Variants in NPIPA5 observed in about 807,000 individuals in gnomAD.
NPIPA5 encodes the protein nuclear pore complex-interacting protein family member A5.
In NPIPA5, 6 loss-of-function variants were observed where a neutral mutation model predicts 21.4. The observed-to-expected ratio is 0.28, with a 90% CI of 0.15 to 0.55. NPIPA5 has a LOEUF of 0.55. Ranked by LOEUF, NPIPA5 falls within the 20% of genes least tolerant of loss-of-function variation. NPIPA5 has a pLI of 0.93. For missense variants in NPIPA5, 99 were observed against 318.2 expected (o/e 0.31, Z 5.24); for synonymous variants, 33 against 115.3 (o/e 0.29, Z 4.57).
chr16:15,366,909 G>A, intron 4 of NPIPA5, 149 bp from the exon 5 acceptor site: 1 of 1,505,198 alleles, frequency 6.6e-7, no homozygotes, highest in South Asian at 1.3e-5. Flanking sequence ...AAGGGAGAAT[G>A]GACACCTCCC....
intron 2 of NPIPA5, among the ~76,000 whole-genome samples, chr16:15,370,724 A>C (rs372260260): frequency 4.3e-5 from 6 of 137,974 alleles, no homozygotes; most frequent in Admixed American, 2.4e-4. Flanking sequence ...GCACTCCAAC[A>C]TGGGCAACAA....
At chr16:15,376,863 A>G (rs1261828518) in intron 1 of NPIPA5, among the ~76,000 whole-genome samples, 17 of 151,872 alleles carry the variant, frequency 1.1e-4, no homozygotes, top group South Asian at 2.1e-4. Flanking sequence ...AATCTGAGCT[A>G]CTCAGGAGGC....
rs2050104872 is a variant in NPIPA5 at position 15,370,018 on chromosome 16, ACCTT to A, written c.290_292+1del. The stretch of plus-strand genomic sequence containing the variant: ...ACTATGGGGACTCCAACAGAGCCAT[ACCTT>A]CCTGTCTACGGCAGTTGGACCTCCT... On this transcript the variant is annotated splice_donor_variant and coding_sequence_variant, in exon 3 of 8. Coordinates refer to ENST00000360151, the MANE Select transcript of NPIPA5 (RefSeq NM_001277325.2). LOFTEE classifies it high-confidence loss of function. The A allele has an allele frequency of 7.2e-7, 1 of 1,384,492 alleles. No homozygotes were observed. Among genetic ancestry groups the A allele is most frequent in the African/African-American group, 1.6e-5 (1 of 62,586 alleles). 85.8% of individuals were successfully genotyped at this position (1,384,492 alleles called of 1,614,324 possible).
At chr16:15,366,840 T>A (rs2049988788) in intron 4 of NPIPA5, 80 bp from the exon 5 acceptor site, 2 of 1,520,840 alleles carry the variant, frequency 1.3e-6, no homozygotes. Flanking sequence ...CTGAAGGCTG[T>A]GATTCAAAGA....
At chr16:15,381,496 C>A (rs1468414857), upstream of NPIPA5, 4 of 980,282 alleles carry the variant, frequency 4.1e-6, no homozygotes, top group African/African-American at 7.0e-5. Flanking sequence ...CTAATTATAA[C>A]CCTGTTTAAT....
At chr16:15,371,865 A>G (rs574618095) in intron 2 of NPIPA5, among the ~76,000 whole-genome samples, 201 of 139,384 alleles carry the variant, frequency 1.4e-3, no homozygotes, top group Middle Eastern at 3.6e-3. Context: ...CACATAGGAT[A>G]AAAAAAAAAT....
chr16:15,380,993 G>C (rs1288265423), upstream of NPIPA5: 2 of 1,506,550 alleles, frequency 1.3e-6, no homozygotes, highest in South Asian at 2.4e-5. Flanking sequence ...TTGGTGAGCT[G>C]GCCCTGGTCA....
upstream of NPIPA5, chr16:15,380,922 A>C: frequency 2.3e-6 from 3 of 1,293,870 alleles, no homozygotes; most frequent in Non-Finnish European, 3.2e-6. Flanking sequence ...GTCTGCACTC[A>C]CTCACCTTCC....
chr16:15,370,915 C>T lies in NPIPA5; in HGVS notation c.193-796G>A, dbSNP rs1213288191. ...TACAAAAATTAGCTGAGCATGGTGG[C>T]GCACGCCTGTAGTCCCAGCTACTCC... is the stretch of plus-strand genomic sequence containing the variant. On this transcript the variant is annotated intron_variant, in intron 2 of 7. Coordinates refer to ENST00000360151, the MANE Select transcript of NPIPA5 (RefSeq NM_001277325.2). 1.2e-4 allele frequency among the ~76,000 whole-genome samples: 17 copies of T among 140,102 alleles called. 1 individual carries two copies. Among genetic ancestry groups the T allele is most frequent in the Middle Eastern group, 3.6e-3 (1 of 276 alleles). The allele number at this position is 140,102 out of a possible 152,430, so 91.9% of individuals were successfully genotyped here.
At chr16:15,379,943 C>CA (rs1245780499), upstream of NPIPA5, among the ~76,000 whole-genome samples, 207 of 142,972 alleles carry the variant, frequency 1.4e-3, no homozygotes, top group Admixed American at 2.7e-3. Flanking sequence ...AACTCTGTCT[C>CA]AAAAAAAAAT....
intron 1 of NPIPA5, among the ~76,000 whole-genome samples, chr16:15,375,355 T>C (rs1243570472): frequency 9.3e-6 from 1 of 107,698 alleles, no homozygotes. Context: ...ATTATATGAA[T>C]CTTTGTCATT....
chr16:15,375,560 G>A (rs1156548131), intron 1 of NPIPA5, among the ~76,000 whole-genome samples: 2 of 149,736 alleles, frequency 1.3e-5, no homozygotes, highest in African/African-American at 2.4e-5. Flanking sequence ...TAGCTAACAC[G>A]GTGAAACCCA....
Position 15,363,689 on chromosome 16 carries a change from G to A in NPIPA5, c.1023C>T (p.His341=), listed in dbSNP as rs747248343. The A allele has an allele frequency of 4.7e-6, 7 of 1,494,826 alleles. No individual in the cohort carries two copies. The Admixed American group carries it at 7.9e-5, about 17-fold the overall frequency. The allele number at this position is 1,494,826 out of a possible 1,614,324, so 92.6% of individuals were successfully genotyped here. The change falls in exon 8 of 8, where the codon CAC becomes CAT. Residue 341 remains histidine (H), a synonymous_variant. Transcript: ENST00000360151. Reference sequence around the variant, plus strand: ...TTCTTGAGATTATCATCCGCTGAGGGTGGAAGGGGAGTGAGCAGACACACT... The same window carrying A: ...TTCTTGAGATTATCATCCGCTGAGGATGGAAGGGGAGTGAGCAGACACACT... ...PPECVCSLPF[H]PQRMIISRN
rs748328254 is a variant in NPIPA5, at chr16:15,363,810, G to T, written c.902C>A (p.Ala301Glu). Reference sequence around the variant, plus strand: ...GGCAGGTGTCTTGAGATTATCATCCGCTGAGGGTAGAGCTGAGGGTGGAAG... The same window carrying T: ...GGCAGGTGTCTTGAGATTATCATCCTCTGAGGGTAGAGCTGAGGGTGGAAG... ...TPLPPSALPS[A>E]DDNLKTPAEC... Residue 301 changes from alanine (A) to glutamate (E), a missense_variant, in exon 8 of 8, where the codon GCG becomes GAG. Coordinates refer to ENST00000360151, the MANE Select transcript of NPIPA5 (RefSeq NM_001277325.2). The T allele has an allele frequency of 9.6e-6, 13 of 1,349,616 alleles. No homozygotes were observed. Among genetic ancestry groups the T allele is most frequent in the Non-Finnish European group, 2.9e-6 (3 of 1,020,606 alleles). The allele number at this position is 1,349,616 out of a possible 1,614,324, so 83.6% of individuals were successfully genotyped here.
At chr16:15,377,113 C>T (rs1300009586) in intron 1 of NPIPA5, among the ~76,000 whole-genome samples, 5 of 151,916 alleles carry the variant, frequency 3.3e-5, no homozygotes, top group Non-Finnish European at 7.4e-5. Flanking sequence ...AGCTCCTGGG[C>T]CCAAGCGATC....
chr16:15,368,472 A>T (rs1301020979), intron 4 of NPIPA5, among the ~76,000 whole-genome samples: 1 of 152,028 alleles, frequency 6.6e-6, no homozygotes, highest in African/African-American at 2.4e-5. Flanking sequence ...CTCACATTTA[A>T]CAAAAAAAGA....
chr16:15,376,793 A>G (rs1469288070), intron 1 of NPIPA5, among the ~76,000 whole-genome samples: 1 of 151,996 alleles, frequency 6.6e-6, no homozygotes, highest in Non-Finnish European at 1.5e-5. Context: ...CCTACTAAAA[A>G]TACAAAAATT....
chr16:15,367,177 T>C, intron 4 of NPIPA5, among the ~76,000 whole-genome samples: 1 of 152,164 alleles, frequency 6.6e-6, no homozygotes, highest in Non-Finnish European at 1.5e-5. Flanking sequence ...GGATTGCTCC[T>C]CATCTGACTC....
At chr16:15,369,462 A>AAG (rs916913481) in intron 4 of NPIPA5, among the ~76,000 whole-genome samples, 5 of 151,802 alleles carry the variant, frequency 3.3e-5, no homozygotes, top group Admixed American at 2.6e-4. Context: ...AAAAAAAAAA[A>AAG]AGAGAGAGAG....
Sources: gnomAD v4.1 joint callset for allele counts (sites outside exome capture counted in the v4.1 genomes callset) on GRCh38, gnomAD v4.1.1 for gene constraint, MANE v1.5 for transcripts, NCBI Gene and HGNC (gene_info 2026-07-23, HGNC 2026-07-21) for gene names.